WWP2: variants seen among roughly 807,000 people sequenced by gnomAD.
WWP2 encodes the protein NEDD4-like E3 ubiquitin-protein ligase WWP2.
In WWP2, 57 loss-of-function variants were observed where a neutral mutation model predicts 121.0. That is an observed-to-expected ratio of 0.47 (90% CI 0.38 to 0.59). The LOEUF (loss-of-function observed/expected upper bound fraction) is 0.59, where lower values mean the gene tolerates loss of function less well. Ranked by LOEUF, WWP2 falls within the 20% of genes least tolerant of loss-of-function variation. The probability of loss-of-function intolerance (pLI) is 0.00; values close to 1 mark genes in which losing one functional copy is unlikely to be tolerated. For missense variants in WWP2, 962 were observed against 1,158.9 expected (o/e 0.83, Z 2.47); for synonymous variants, 449 against 441.3 (o/e 1.02, Z -0.22).
At chr16:69,881,279 G>A (rs942080200) in intron 7 of WWP2, among the ~76,000 whole-genome samples, 1 of 152,168 alleles carries the variant, frequency 6.6e-6, no homozygotes, top group Non-Finnish European at 1.5e-5. Context: ...TCTGGTTTGA[G>A]TACTGGTTCT....
chr16:69,763,838 G>T (rs922815488), intron 1 of WWP2, among the ~76,000 whole-genome samples: 11 of 152,204 alleles, frequency 7.2e-5, no homozygotes, highest in African/African-American at 2.2e-4. Flanking sequence ...AGTCACACCG[G>T]CGTAAGTGGT....
intron 10 of WWP2, among the ~76,000 whole-genome samples, chr16:69,922,660 GT>G (rs2058580704): frequency 6.6e-6 from 1 of 152,170 alleles, no homozygotes; most frequent in Non-Finnish European, 1.5e-5. Context: ...GAGGTGTGGG[GT>G]TTTTGGCTTT....
At chr16:69,921,544 C>T (rs2058561583) in intron 10 of WWP2, among the ~76,000 whole-genome samples, 1 of 152,202 alleles carries the variant, frequency 6.6e-6, no homozygotes, top group South Asian at 2.1e-4. Flanking sequence ...AATTCTGGTT[C>T]TTAGTTTTTC....
chr16:69,935,893 T>G lies in WWP2; in HGVS notation c.1883T>G (p.Leu628Arg). 1 of 1,613,984 alleles carries G rather than the reference T, an allele frequency of 6.2e-7. No individual in the cohort carries two copies. Among genetic ancestry groups the G allele is most frequent in the Non-Finnish European group, 8.5e-7 (1 of 1,180,002 alleles). ...AAGTTCATCGACACGGGCTTCACCC[T>G]CCCTTTCTACAAGCGGATGCTCAAT... ...HGKFIDTGFT[L>R]PFYKRMLNKR... The change falls in exon 18 of 24, where the codon CTC becomes CGC. Residue 628 changes from leucine to arginine, a missense_variant. Physicochemically the swap from Leu to Arg is moderately radical, Grantham distance 102. Transcript: ENST00000359154. The surrounding 1 kb of genome is among the most constrained non-coding windows in gnomAD (Gnocchi z 5.2).
chr16:69,796,166 G>A (rs2056039413), intron 2 of WWP2, among the ~76,000 whole-genome samples: 2 of 152,082 alleles, frequency 1.3e-5, no homozygotes, highest in African/African-American at 4.8e-5. Context: ...GTGTTTGTTG[G>A]GAAATACACC....
At chr16:69,775,419 C>G (rs771857198) in intron 1 of WWP2, among the ~76,000 whole-genome samples, 28 of 152,098 alleles carry the variant, frequency 1.8e-4, no homozygotes, top group African/African-American at 9.7e-5. Context: ...ATCTTAAACC[C>G]CATCAGCCAT....
Position 69,939,885 on chromosome 16 carries a change from TGA to T in WWP2, c.2565_2566del (p.Lys856AlafsTer6). 1 of 1,613,974 alleles carries T rather than the reference TGA, an allele frequency of 6.2e-7. No individual in the cohort carries two copies. The highest frequency in any genetic ancestry group is 8.5e-7 in the Non-Finnish European group (1 of 1,179,936). On this transcript the variant is annotated frameshift_variant, in exon 24 of 24. Coordinates refer to ENST00000359154, the MANE Select transcript of WWP2 (RefSeq NM_001270454.2). LOFTEE classifies it high-confidence loss of function. The stretch of plus-strand genomic sequence containing the variant: ...CCACCCTACAAGAGCTACGAACAGC[TGA>T]GAGAGAAGCTGCTGTATGCCATTGA...
At position 69,917,867 on chromosome 16, in the gene WWP2, A is replaced by G; in HGVS notation, c.1163A>G (p.Gln388Arg). ...QLQGAMQHFS[Q>R]RFLYQSSSAS... is the part of the protein sequence containing the mutation. ...CAGGGGGCCATGCAGCACTTCAGCC[A>G]AAGATTCCTCTACCAGGTGAGAGGG... Residue 388 changes from glutamine to arginine, a missense_variant, in exon 10 of 24, where the codon CAA (glutamine) becomes CGA (arginine). Physicochemically the swap from Gln to Arg is conservative, Grantham distance 43. Around this residue, in one of 3 missense-constraint regions of WWP2, gnomAD observed 606 missense variants for 772.6 expected, o/e 0.78. Transcript: ENST00000359154. 1 of 1,611,978 alleles carries G rather than the reference A, an allele frequency of 6.2e-7. No individual in the cohort carries two copies. The highest frequency in any genetic ancestry group is 8.5e-7 in the Non-Finnish European group (1 of 1,178,164).
intron 2 of WWP2, among the ~76,000 whole-genome samples, chr16:69,791,259 G>A (rs969781165): frequency 4.0e-5 from 6 of 149,206 alleles, no homozygotes; most frequent in African/African-American, 7.4e-5. Context: ...ACGGAGTCTC[G>A]CTCTATCGCC....
intron 21 of WWP2, among the ~76,000 whole-genome samples, chr16:69,938,525 A>G (rs1032216679): frequency 6.6e-6 from 1 of 152,190 alleles, no homozygotes; most frequent in Non-Finnish European, 1.5e-5. Context: ...AAGCTGATGC[A>G]TGAGAATCAC....
intron 1 of WWP2, among the ~76,000 whole-genome samples, chr16:69,785,188 G>A (rs965790998): frequency 5.3e-5 from 8 of 150,014 alleles, no homozygotes; most frequent in African/African-American, 2.0e-4. Flanking sequence ...AGCCGAGATT[G>A]TGCTACTGTA....
At chr16:69,936,625 A>G in intron 19 of WWP2, 173 bp downstream of exon 19, 1 of 926,288 alleles carries the variant, frequency 1.1e-6, no homozygotes, top group Non-Finnish European at 1.6e-6. Context: ...TGGGGGAACC[A>G]AAGCCGAGGT....
intron 8 of WWP2, 76 bp downstream of exon 8, chr16:69,888,325 T>A (rs1248837779): frequency 7.5e-6 from 11 of 1,468,106 alleles, no homozygotes; most frequent in Non-Finnish European, 1.0e-5. Flanking sequence ...GGAAACAACG[T>A]GGTTATTTAT....
intron 6 of WWP2, among the ~76,000 whole-genome samples, chr16:69,866,157 A>ATTG (rs1278860683): frequency 1.3e-5 from 2 of 151,892 alleles, no homozygotes; most frequent in African/African-American, 2.4e-5. Context: ...TTTTATTATT[A>ATTG]TTTCTCAGTA....
chr16:69,793,169 G>A (rs2055949196), intron 2 of WWP2, among the ~76,000 whole-genome samples: 1 of 152,072 alleles, frequency 6.6e-6, no homozygotes, highest in African/African-American at 2.4e-5. Flanking sequence ...TCGCCAAGAT[G>A]GTGAAATCCT....
intron 5 of WWP2, among the ~76,000 whole-genome samples, chr16:69,841,597 G>A (rs1353572659): frequency 2.0e-5 from 3 of 152,146 alleles, no homozygotes; most frequent in Non-Finnish European, 2.9e-5. Flanking sequence ...AGGGTTTCTC[G>A]CAGAAGACTA....
Position 69,939,993 on chromosome 16 carries a change from C to G in WWP2, c.*53C>G, listed in dbSNP as rs992032404. The G allele has an allele frequency of 5.9e-5, 89 of 1,500,062 alleles. No individual in the cohort carries two copies. Among genetic ancestry groups the G allele is most frequent in the Non-Finnish European group, 7.8e-5 (85 of 1,095,398 alleles). The allele number at this position is 1,500,062 out of a possible 1,614,324, so 92.9% of individuals were successfully genotyped here. A position where few individuals can be genotyped will look rare whatever the true frequency, so the allele number is the denominator to read the frequency against. Reference sequence around the variant, plus strand: ...GCGCACATGTAGTCCTGAGTCCTCCCTGCCTGAGAGGCCACTGGCCCCGCA... The same window carrying G: ...GCGCACATGTAGTCCTGAGTCCTCCGTGCCTGAGAGGCCACTGGCCCCGCA... On this transcript the variant is annotated 3_prime_UTR_variant, in exon 24 of 24. Coordinates refer to ENST00000359154, the MANE Select transcript of WWP2 (RefSeq NM_001270454.2).
intron 6 of WWP2, among the ~76,000 whole-genome samples, chr16:69,860,725 C>T (rs1194823583): frequency 6.6e-6 from 1 of 151,868 alleles, no homozygotes; most frequent in Non-Finnish European, 1.5e-5. Flanking sequence ...AGAAATAATG[C>T]TCTACCCAGC....
At chr16:69,901,682 T>C (rs1395930548) in intron 8 of WWP2, among the ~76,000 whole-genome samples, 1 of 152,198 alleles carries the variant, frequency 6.6e-6, no homozygotes, top group Non-Finnish European at 1.5e-5. Context: ...GCCCAGTGCT[T>C]GTGTCAGTGA....
Sources: gnomAD v4.1 joint callset for allele counts (sites outside exome capture counted in the v4.1 genomes callset) on GRCh38, gnomAD v4.1.1 for gene constraint, gnomAD v4.1.1 regional missense constraint, Gnocchi (gnomAD v3.1) non-coding constraint, MANE v1.5 for transcripts, NCBI Gene and HGNC (gene_info 2026-07-23, HGNC 2026-07-21) for gene names.